Variants in NFIC observed in about 807,000 individuals in gnomAD.
The protein encoded by NFIC is nuclear factor I C.
In NFIC, 12 loss-of-function variants were observed where a neutral mutation model predicts 54.4. The observed-to-expected ratio is 0.22, with a 90% CI of 0.14 to 0.36. NFIC has a LOEUF of 0.36. Among genes scored for constraint, NFIC ranks in the 10% least tolerant of loss-of-function variants. The probability of loss-of-function intolerance (pLI) is 1.00; values close to 1 mark genes in which losing one functional copy is unlikely to be tolerated. For missense variants in NFIC, 575 were observed against 718.2 expected, an observed-to-expected ratio of 0.80 and a Z score of 2.28; for synonymous variants, 322 against 319.2, an observed-to-expected ratio of 1.01 and a Z score of -0.09.
At chr19:3,432,542 T>C (rs1317692119) in intron 3 of NFIC, among the ~76,000 whole-genome samples, 1 of 151,890 alleles carries the variant, frequency 6.6e-6, no homozygotes, top group African/African-American at 2.4e-5. Flanking sequence ...ACCCCGATGA[T>C]GGGATTGATG....
At chr19:3,376,427 TC>T (rs2081107365) in intron 1 of NFIC, among the ~76,000 whole-genome samples, 1 of 25,260 alleles carries the variant, frequency 4.0e-5, no homozygotes, top group Non-Finnish European at 6.5e-5. Flanking sequence ...AGACACTGTC[TC>T]AAAAAAAAAA....
At chr19:3,423,067 G>A (rs1377334385) in intron 2 of NFIC, among the ~76,000 whole-genome samples, 2 of 152,046 alleles carry the variant, frequency 1.3e-5, no homozygotes, top group Non-Finnish European at 2.9e-5. Context: ...GCGTGATGAC[G>A]CGCGCCTGTA....
At chr19:3,422,919 A>G (rs1003620786) in intron 2 of NFIC, among the ~76,000 whole-genome samples, 1 of 151,816 alleles carries the variant, frequency 6.6e-6, no homozygotes, top group African/African-American at 2.4e-5. Context: ...GGATACAGCC[A>G]GGCATGGTGG....
At chr19:3,402,894 A>AGGGGAGGGCAGAAAGCGGACAGGAC (rs2081579828) in intron 2 of NFIC, among the ~76,000 whole-genome samples, 1 of 152,118 alleles carries the variant, frequency 6.6e-6, no homozygotes, top group Non-Finnish European at 1.5e-5. Context: ...GAGAGGGAAG[A>AGGGGAGGGCAGAAAGCGGACAGGAC]GGGGAGGGCA....
At chr19:3,416,860 G>C (rs1371065019) in intron 2 of NFIC, among the ~76,000 whole-genome samples, 2 of 147,582 alleles carry the variant, frequency 1.4e-5, no homozygotes, top group Non-Finnish European at 3.0e-5. Flanking sequence ...GGCCAGACAT[G>C]GTGGCTCACG....
At chr19:3,442,862 C>T (rs2082315273) in intron 6 of NFIC, among the ~76,000 whole-genome samples, 1 of 152,238 alleles carries the variant, frequency 6.6e-6, no homozygotes, top group Non-Finnish European at 1.5e-5. Flanking sequence ...CTCCTGTAAG[C>T]TCTGCACGGG....
intron 2 of NFIC, among the ~76,000 whole-genome samples, chr19:3,387,649 GA>G (rs2081318508): frequency 6.6e-6 from 1 of 152,110 alleles, no homozygotes; most frequent in Admixed American, 6.5e-5. Flanking sequence ...GGGGGTGAGG[GA>G]GTCTGGAGAG....
intron 1 of NFIC, among the ~76,000 whole-genome samples, chr19:3,368,372 G>C (rs2080934781): frequency 6.6e-6 from 1 of 152,164 alleles, no homozygotes; most frequent in Admixed American, 6.5e-5. Context: ...CCCCAGTCCA[G>C]GCTTTGCCTC....
chr19:3,392,629 C>T (rs896323362), intron 2 of NFIC, among the ~76,000 whole-genome samples: 6 of 152,198 alleles, frequency 3.9e-5, no homozygotes, highest in African/African-American at 1.2e-4. Context: ...TGATGCCCCC[C>T]GTTATGGCTG....
chr19:3,397,121 T>C (rs2081477374), intron 2 of NFIC, among the ~76,000 whole-genome samples: 1 of 152,040 alleles, frequency 6.6e-6, no homozygotes, highest in Non-Finnish European at 1.5e-5. Context: ...GGAAACCACA[T>C]TGTTGGCAGC....
At chr19:3,393,886 A>C (rs1445042056) in intron 2 of NFIC, among the ~76,000 whole-genome samples, 1 of 151,150 alleles carries the variant, frequency 6.6e-6, no homozygotes, top group Admixed American at 6.6e-5. Context: ...CCTCACACTT[A>C]AGAATGTAAA....
chr19:3,402,314 T>G (rs1261169831), intron 2 of NFIC, among the ~76,000 whole-genome samples: 4 of 152,228 alleles, frequency 2.6e-5, no homozygotes, highest in African/African-American at 9.6e-5. Context: ...CCTCCCACAG[T>G]GCTGGGATTA....
rs753631109 is a variant in NFIC, at chr19:3,433,584, T to C, written c.701T>C (p.Val234Ala). Reference protein sequence around the residue: ...GVFSVTELIQVSRTPVVTGTG... With the variant: ...GVFSVTELIQASRTPVVTGTG... ...TTCAGCGTCACTGAGCTCATCCAAG[T>C]GTCCCGGAGTGAGTGTTCCCGTCAG... The change falls in exon 4 of 11, where the codon GTG becomes GCG. Residue 234 changes from valine to alanine, a missense_variant. Around this residue, in one of 3 missense-constraint regions of NFIC, gnomAD observed 447 missense variants for 526.9 expected, o/e 0.85. Transcript: ENST00000443272. The C allele has an allele frequency of 1.2e-6, 2 of 1,613,606 alleles. No homozygotes were observed. The highest frequency in any genetic ancestry group is 2.7e-5 in the African/African-American group (2 of 74,896).
intron 6 of NFIC, among the ~76,000 whole-genome samples, chr19:3,448,377 T>C (rs912443310): frequency 6.6e-6 from 1 of 152,198 alleles, no homozygotes; most frequent in African/African-American, 2.4e-5. Flanking sequence ...CTGGCCTCTG[T>C]TTCTTCATTC....
chr19:3,419,243 T>C (rs2081915315), intron 2 of NFIC, among the ~76,000 whole-genome samples: 1 of 152,182 alleles, frequency 6.6e-6, no homozygotes, highest in Non-Finnish European at 1.5e-5. Context: ...TATGCATATT[T>C]TACCACAATA....
chr19:3,368,010 T>C (rs1394908943), intron 1 of NFIC, among the ~76,000 whole-genome samples: 1 of 152,168 alleles, frequency 6.6e-6, no homozygotes, highest in Admixed American at 6.5e-5. Flanking sequence ...TGTGATCCCC[T>C]GAGTGACCTT....
intron 1 of NFIC, among the ~76,000 whole-genome samples, chr19:3,379,491 G>A (rs1599573523): frequency 6.6e-6 from 1 of 151,742 alleles, no homozygotes; most frequent in Non-Finnish European, 1.5e-5. Flanking sequence ...GACTACAGGC[G>A]TGTGCCACCA....
intron 3 of NFIC, among the ~76,000 whole-genome samples, chr19:3,430,958 G>GAAAAGAA (rs2082111678): frequency 6.8e-6 from 1 of 147,308 alleles, no homozygotes; most frequent in Non-Finnish European, 1.5e-5. Context: ...AAAAGAAAAA[G>GAAAAGAA]AAAGAAAGAA....
chr19:3,382,711 G>A (rs916384344), intron 2 of NFIC, among the ~76,000 whole-genome samples: 3 of 151,276 alleles, frequency 2.0e-5, no homozygotes, highest in African/African-American at 7.3e-5. Context: ...GGTGACACGG[G>A]GCAAGGAGGG....
Sources: gnomAD v4.1 joint callset for allele counts (sites outside exome capture counted in the v4.1 genomes callset) on GRCh38, gnomAD v4.1.1 for gene constraint, gnomAD v4.1.1 regional missense constraint, MANE v1.5 for transcripts, NCBI Gene and HGNC (gene_info 2026-07-23, HGNC 2026-07-21) for gene names.